Variants in SLIT3 observed in about 807,000 individuals in gnomAD.
SLIT3 encodes the protein slit guidance ligand 3.
A neutral mutation model predicts 184.0 loss-of-function variants in SLIT3; 68 were observed. That is an observed-to-expected ratio of 0.37 (90% CI 0.30 to 0.45). The LOEUF is 0.45. SLIT3 is among the 20% of genes least tolerant of loss of function. The pLI is 1.00. For synonymous variants in SLIT3, 831 were observed against 828.6 expected, an observed-to-expected ratio of 1.00 and a Z score of -0.05; for missense variants, 1,707 against 2,026.0, an observed-to-expected ratio of 0.84 and a Z score of 3.02.
At chr5:169,276,853 T>C (rs563578331) in intron 1 of SLIT3, among the ~76,000 whole-genome samples, 1 of 152,380 alleles carries the variant, frequency 6.6e-6, no homozygotes, top group Admixed American at 6.5e-5. Flanking sequence ...TTTCCTCCTT[T>C]ATAAAGCAGG....
rs573345424 is a variant in SLIT3, at chr5:169,025,958, T to C, written c.414-142622A>G. Among the ~76,000 whole-genome samples the C allele has an allele frequency of 5.3e-5, 8 of 152,304 alleles. No individual in the cohort carries two copies. The South Asian group carries it at 1.7e-3, about 32-fold the overall frequency. On this transcript the variant is annotated intron_variant, in intron 4 of 35. Transcript: ENST00000519560. ...AGCCACCTGCGATTTCCCAGGATGC[T>C]TAAAAGGTGAGTGGCTAATTTCCCA... is the stretch of plus-strand genomic sequence containing the variant.
chr5:169,249,990 A>G (rs555426626), intron 2 of SLIT3, among the ~76,000 whole-genome samples: 1 of 152,242 alleles, frequency 6.6e-6, no homozygotes, highest in Non-Finnish European at 1.5e-5. Context: ...CCACATTATC[A>G]GTGCTGCATT....
intron 31 of SLIT3, among the ~76,000 whole-genome samples, chr5:168,684,503 A>C (rs1761686127): frequency 6.6e-6 from 1 of 152,166 alleles, no homozygotes; most frequent in East Asian, 1.9e-4. Flanking sequence ...TTTAGGCAGA[A>C]TCTTGGCCCA....
At chr5:168,887,160 G>A (rs566180022) in intron 4 of SLIT3, among the ~76,000 whole-genome samples, 5 of 152,138 alleles carry the variant, frequency 3.3e-5, no homozygotes, top group South Asian at 2.1e-4. Flanking sequence ...CTTTGTTCTT[G>A]GAGGAGCAGA....
chr5:168,895,309 T>C (rs2113815950), intron 4 of SLIT3, among the ~76,000 whole-genome samples: 1 of 151,606 alleles, frequency 6.6e-6, no homozygotes, highest in Non-Finnish European at 1.5e-5. Context: ...CAGGGCAGGG[T>C]GGGGAGGGGC....
chr5:169,069,465 A>C (rs1462587449), intron 4 of SLIT3, among the ~76,000 whole-genome samples: 1 of 152,090 alleles, frequency 6.6e-6, no homozygotes, highest in Admixed American at 6.5e-5. Flanking sequence ...GGCTGTGAGC[A>C]CTTCCCATGT....
intron 1 of SLIT3, among the ~76,000 whole-genome samples, chr5:169,286,421 C>A (rs1767152145): frequency 6.6e-6 from 1 of 152,172 alleles, no homozygotes; most frequent in Admixed American, 6.5e-5. Context: ...GTCCTGGCCT[C>A]TCTCTTGCCT....
intron 4 of SLIT3, among the ~76,000 whole-genome samples, chr5:168,942,362 A>G (rs1390291379): frequency 2.0e-5 from 3 of 152,236 alleles, no homozygotes; most frequent in Admixed American, 6.5e-5. Context: ...TCTTTATTAA[A>G]AAAGCCATTT....
chr5:169,203,640 C>T (rs755014656), intron 3 of SLIT3, among the ~76,000 whole-genome samples: 1 of 152,190 alleles, frequency 6.6e-6, no homozygotes, highest in Non-Finnish European at 1.5e-5. Context: ...ATGCTCTTCC[C>T]TTCTCTGGGA....
chr5:169,177,642 C>CT (rs1763024948), intron 4 of SLIT3, among the ~76,000 whole-genome samples: 1 of 152,170 alleles, frequency 6.6e-6, no homozygotes, highest in Non-Finnish European at 1.5e-5. Flanking sequence ...TTCTTAAATA[C>CT]AAAGGCTCCT....
chr5:169,058,879 G>A (rs1758091828), intron 4 of SLIT3, among the ~76,000 whole-genome samples: 1 of 152,210 alleles, frequency 6.6e-6, no homozygotes, highest in African/African-American at 2.4e-5. Flanking sequence ...AGGACTTCCT[G>A]TTGCTCTAGA....
intron 4 of SLIT3, among the ~76,000 whole-genome samples, chr5:169,053,699 C>T (rs529075813): frequency 2.0e-5 from 3 of 151,944 alleles, no homozygotes; most frequent in Admixed American, 1.3e-4. Context: ...TTCCCCGCCC[C>T]CTTCTTTTCA....
At chr5:168,695,836 C>T (rs1762047843) in intron 28 of SLIT3, among the ~76,000 whole-genome samples, 2 of 152,120 alleles carry the variant, frequency 1.3e-5, no homozygotes, top group Non-Finnish European at 2.9e-5. Flanking sequence ...CCTCTGTCCA[C>T]CTGACTATAA....
intron 32 of SLIT3, among the ~76,000 whole-genome samples, chr5:168,678,527 C>T (rs938915741): frequency 6.6e-6 from 1 of 151,702 alleles, no homozygotes; most frequent in Non-Finnish European, 1.5e-5. Flanking sequence ...ACTAAAAATA[C>T]AAAAAATTAG....
intron 4 of SLIT3, among the ~76,000 whole-genome samples, chr5:168,944,043 T>C (rs974713507): frequency 2.0e-5 from 3 of 152,202 alleles, no homozygotes; most frequent in African/African-American, 7.2e-5. Context: ...AGGTTCACTT[T>C]GTTATGCACA....
Position 168,669,878 on chromosome 5 carries a change from G to T in SLIT3, c.4241C>A (p.Ala1414Asp), listed in dbSNP as rs1761181200. 2 of 1,614,190 alleles carry T rather than the reference G, an allele frequency of 1.2e-6. No individual in the cohort carries two copies. Among genetic ancestry groups the T allele is most frequent in the Non-Finnish European group, 1.7e-6 (2 of 1,180,024 alleles). The change falls in exon 35 of 36, where the codon GCC (alanine) becomes GAC (aspartate). Residue 1414 changes from alanine (A) to aspartate (D), a missense_variant. Ala to Asp is a moderately radical substitution (Grantham distance 126). Around this residue, in one of 3 missense-constraint regions of SLIT3, gnomAD observed 387 missense variants for 477.9 expected, o/e 0.81. Coordinates refer to ENST00000519560, the MANE Select transcript of SLIT3 (RefSeq NM_003062.4). ...GCACTGCCCATGGTGACACTTGAAG[G>T]CTGAGCAGGCATTGGCAGAGTCATT... ...NKNDSANACS[A>D]FKCHHGQCHI...
rs1762064329 is a variant in SLIT3, at chr5:168,933,561, A to C, written c.414-50225T>G. 2.0e-5 allele frequency among the ~76,000 whole-genome samples: 3 copies of C among 152,148 alleles called. No homozygotes were observed. The South Asian group carries it at 6.2e-4, about 32-fold the overall frequency. ...ATCTCAAAACAAACAAACAAAAAAA[A>C]CAGCCAGAGGAGGTAAGAACTGTGA... is the stretch of plus-strand genomic sequence containing the variant. On this transcript the variant is annotated intron_variant, in intron 4 of 35. Coordinates refer to ENST00000519560, the MANE Select transcript of SLIT3 (RefSeq NM_003062.4).
intron 4 of SLIT3, among the ~76,000 whole-genome samples, chr5:168,883,698 C>A (rs961448904): frequency 1.3e-5 from 2 of 149,800 alleles, no homozygotes; most frequent in Non-Finnish European, 3.0e-5. Context: ...AACCCCCACA[C>A]GGCATTCCTC....
At chr5:169,017,990 C>T (rs1235988741) in intron 4 of SLIT3, 2 of 152,258 alleles carry the variant, frequency 1.3e-5, no homozygotes, top group African/African-American at 4.8e-5. Flanking sequence ...TCTACCCATA[C>T]ATCTCCAAGA....
Sources: gnomAD v4.1 joint callset for allele counts (sites outside exome capture counted in the v4.1 genomes callset) on GRCh38, gnomAD v4.1.1 for gene constraint, gnomAD v4.1.1 regional missense constraint, MANE v1.5 for transcripts, NCBI Gene and HGNC (gene_info 2026-07-23, HGNC 2026-07-21) for gene names.